The following MKRN3 variants were observed in gnomAD, a reference collection of about 807,000 sequenced individuals.
MKRN3 encodes makorin ring finger protein 3.
For missense variants in MKRN3, 749 were observed against 667.0 expected (o/e 1.12, Z -1.35); for synonymous variants, 301 against 250.2 (o/e 1.20, Z -1.91).
chr15:23,568,017 G>A lies in MKRN3; in HGVS notation c.*711G>A. The A allele has an allele frequency of 6.0e-6, 4 of 670,400 alleles. No individual in the cohort carries two copies. The highest frequency in any genetic ancestry group is 7.4e-6 in the Non-Finnish European group (4 of 541,810). The allele number at this position is 670,400 out of a possible 1,614,324, so 41.5% of individuals were successfully genotyped here. A position where few individuals can be genotyped will look rare whatever the true frequency, so the allele number is the denominator to read the frequency against. ...TATGTAATAAAGTAAATACAGAGCT[G>A]AAAGCTGAAGGTCAAAGCCTAACAG... On this transcript the variant is annotated 3_prime_UTR_variant, in exon 1 of 1. Transcript: ENST00000314520.
rs1265281980 is a variant in MKRN3 at position 23,565,772 on chromosome 15, C to G, written c.-11C>G. 2 of 1,574,708 alleles carry G rather than the reference C, an allele frequency of 1.3e-6. No homozygotes were observed. Among genetic ancestry groups the G allele is most frequent in the Admixed American group, 3.6e-5 (2 of 55,934 alleles). On this transcript the variant is annotated 5_prime_UTR_variant, in exon 1 of 1. Transcript: ENST00000314520. ...GAGGTTCTGGCACCATTTCGGGGTG[C>G]CAAAGCAGCCATGGAAGAGCCTGCA...
rs1595298212 is a variant in MKRN3 at position 23,565,870 on chromosome 15, C to T, written c.88C>T (p.Pro30Ser). Reference sequence around the variant, plus strand: ...GGCAGCAAGGGAGGGTGTGTCTGGGCCGGACCTTCCCGTCTGTGAGCCCTC... The same window carrying T: ...GGCAGCAAGGGAGGGTGTGTCTGGGTCGGACCTTCCCGTCTGTGAGCCCTC... ...AEAAREGVSG[P>S]DLPVCEPSGE... Residue 30 changes from proline (P) to serine (S), a missense_variant, in exon 1 of 1, where the codon CCG becomes TCG. Coordinates refer to ENST00000314520, the MANE Select transcript of MKRN3 (RefSeq NM_005664.4). 6 of 1,613,816 alleles carry T rather than the reference C, an allele frequency of 3.7e-6. No individual in the cohort carries two copies. Among genetic ancestry groups the T allele is most frequent in the South Asian group, 1.1e-5 (1 of 91,072 alleles).
At position 23,566,586 on chromosome 15, in the gene MKRN3, G is replaced by A; in HGVS notation, c.804G>A (p.Met268Ile). 1 of 1,614,228 alleles carries A rather than the reference G, an allele frequency of 6.2e-7. No homozygotes were observed. Among genetic ancestry groups the A allele is most frequent in the Non-Finnish European group, 8.5e-7 (1 of 1,180,040 alleles). ...CMYLHGDICD[M>I]CGLQTLHPMD... Reference sequence around the variant, plus strand: ...ACCTCCATGGAGACATATGCGACATGTGTGGGCTGCAGACCTTGCACCCCA... The same window carrying A: ...ACCTCCATGGAGACATATGCGACATATGTGGGCTGCAGACCTTGCACCCCA... The change falls in exon 1 of 1, where the codon ATG becomes ATA. Residue 268 changes from methionine (M) to isoleucine (I), a missense_variant. Transcript: ENST00000314520.
At position 23,565,988 on chromosome 15, in the gene MKRN3, G is replaced by T; in HGVS notation, c.206G>T (p.Arg69Ile). 6.2e-7 allele frequency: 1 copy of T among 1,613,740 alleles called. No individual in the cohort carries two copies. The highest frequency in any genetic ancestry group is 8.5e-7 in the Non-Finnish European group (1 of 1,179,890). Residue 69 changes from arginine to isoleucine, a missense_variant, in exon 1 of 1, where the codon AGA becomes ATA. Coordinates refer to ENST00000314520, the MANE Select transcript of MKRN3 (RefSeq NM_005664.4). ...PVAPVPAHLR[R>I]GGLRPAPASG... is the part of the protein sequence containing the mutation. The stretch of plus-strand genomic sequence containing the variant: ...GCTCCAGTCCCTGCCCACCTCCGCA[G>T]AGGAGGCCTGAGGCCTGCCCCAGCC...
Position 23,566,232 on chromosome 15 carries a change from GC to G in MKRN3, c.455del (p.Pro152ArgfsTer19). 6.2e-7 allele frequency: 1 copy of G among 1,613,612 alleles called. No individual in the cohort carries two copies. The highest frequency in any genetic ancestry group is 8.5e-7 in the Non-Finnish European group (1 of 1,180,044). On this transcript the variant is annotated frameshift_variant, in exon 1 of 1. Coordinates refer to ENST00000314520, the MANE Select transcript of MKRN3 (RefSeq NM_005664.4). LOFTEE classifies it low-confidence loss of function (END_TRUNC). ...GCCCTAGCACGGCTGCGCACATCGA[GC>G]CCCCGACTCAGGAAGTGGCGGAAGC... ...GGPSTAAHIE[P>X]PTQEVAEAPP...
In MKRN3 at chr15:23,566,542, C is replaced by A. The variant is rs757586782; in HGVS notation, c.760C>A (p.Arg254Ser). 1.2e-6 allele frequency: 2 copies of A among 1,613,960 alleles called. No individual in the cohort carries two copies. Among genetic ancestry groups the A allele is most frequent in the Non-Finnish European group, 1.7e-6 (2 of 1,180,030 alleles). Residue 254 changes from arginine (R) to serine (S), a missense_variant, in exon 1 of 1, where the codon CGT becomes AGT. Physicochemically the swap from Arg to Ser is moderately radical, Grantham distance 110. Transcript: ENST00000314520. Reference protein sequence around the residue: ...CYYASRGVCFRGESCMYLHGD... With the variant: ...CYYASRGVCFSGESCMYLHGD... ...TTATGCTTCCAGGGGAGTTTGCTTT[C>A]GTGGGGAGAGCTGTATGTACCTCCA...
chr15:23,565,899 G>A lies in MKRN3; in HGVS notation c.117G>A (p.Gly39=), dbSNP rs756434121. ...GPDLPVCEPS[G]ESAAPDSALP... is the part of the protein sequence containing the mutation. Reference sequence around the variant, plus strand: ...ACCTTCCCGTCTGTGAGCCCTCCGGGGAATCTGCTGCTCCAGATTCAGCCC... The same window carrying A: ...ACCTTCCCGTCTGTGAGCCCTCCGGAGAATCTGCTGCTCCAGATTCAGCCC... Residue 39 remains glycine, a synonymous_variant, in exon 1 of 1, where the codon GGG becomes GGA. Transcript: ENST00000314520. 6.2e-7 allele frequency: 1 copy of A among 1,613,860 alleles called. No individual in the cohort carries two copies. Among genetic ancestry groups the A allele is most frequent in the Non-Finnish European group, 8.5e-7 (1 of 1,179,946 alleles).
At position 23,567,171 on chromosome 15, in the gene MKRN3, G is replaced by A; in HGVS notation, c.1389G>A (p.Lys463=). ...EGNMLYKSIK[K]ELVVLRLASL... is the part of the protein sequence containing the mutation. ...ACATGCTCTATAAAAGCATTAAGAA[G>A]GAGCTTGTCGTGCTTCGGCTGGCCA... The change falls in exon 1 of 1, where the codon AAG becomes AAA. Residue 463 remains lysine, a synonymous_variant. Coordinates refer to ENST00000314520, the MANE Select transcript of MKRN3 (RefSeq NM_005664.4). The A allele has an allele frequency of 6.2e-7, 1 of 1,614,234 alleles. No homozygotes were observed. Among genetic ancestry groups the A allele is most frequent in the East Asian group, 2.2e-5 (1 of 44,880 alleles).
chr15:23,565,977 C>T lies in MKRN3; in HGVS notation c.195C>T (p.Ala65=). ...WAPFPVAPVP[A]HLRRGGLRPA... ...CCTTCCCTGTAGCTCCAGTCCCTGC[C>T]CACCTCCGCAGAGGAGGCCTGAGGC... The change falls in exon 1 of 1, where the codon GCC becomes GCT. Residue 65 remains alanine, a synonymous_variant. Coordinates refer to ENST00000314520, the MANE Select transcript of MKRN3 (RefSeq NM_005664.4). 3 of 1,613,802 alleles carry T rather than the reference C, an allele frequency of 1.9e-6. No individual in the cohort carries two copies. Among genetic ancestry groups the T allele is most frequent in the Middle Eastern group, 3.3e-4 (2 of 6,030 alleles).
Position 23,565,702 on chromosome 15 carries a change from CG to C in MKRN3, c.-79del, listed in dbSNP as rs1889067151. ...CTTCCCCCAGAGAAGCCTCCGAGCGCGGCCGCCATTCCGGGCCTCAAGCCCA... is the reference window on the plus strand; with the variant it reads ...CTTCCCCCAGAGAAGCCTCCGAGCGCGCCGCCATTCCGGGCCTCAAGCCCA... On this transcript the variant is annotated 5_prime_UTR_variant, in exon 1 of 1. Coordinates refer to ENST00000314520, the MANE Select transcript of MKRN3 (RefSeq NM_005664.4). The C allele has an allele frequency of 1.4e-6, 2 of 1,381,720 alleles. No homozygotes were observed. Among genetic ancestry groups the C allele is most frequent in the South Asian group, 1.5e-5 (1 of 66,610 alleles). 85.6% of individuals were successfully genotyped at this position (1,381,720 alleles called of 1,614,324 possible).
chr15:23,566,860 T>C lies in MKRN3; in HGVS notation c.1078T>C (p.Ser360Pro), dbSNP rs1490504236. The C allele has an allele frequency of 6.2e-7, 1 of 1,614,210 alleles. No homozygotes were observed. The highest frequency in any genetic ancestry group is 1.7e-5 in the Admixed American group (1 of 60,024). Reference sequence around the variant, plus strand: ...ACAGTTTGAGAACAGGATCGTCAAGTCTTGCCCACAGTGCAGGGTCACCTC... The same window carrying C: ...ACAGTTTGAGAACAGGATCGTCAAGCCTTGCCCACAGTGCAGGGTCACCTC... ...ARQFENRIVK[S>P]CPQCRVTSEL... The change falls in exon 1 of 1, where the codon TCT (serine) becomes CCT (proline). Residue 360 changes from serine (S) to proline (P), a missense_variant. Transcript: ENST00000314520.
At position 23,567,013 on chromosome 15, in the gene MKRN3, C is replaced by A. The variant is rs758381200; in HGVS notation, c.1231C>A (p.Pro411Thr). The A allele has an allele frequency of 1.2e-6, 2 of 1,614,000 alleles. No homozygotes were observed. Among genetic ancestry groups the A allele is most frequent in the African/African-American group, 2.7e-5 (2 of 74,900 alleles). The part of the protein sequence containing the change: ...RYFAEGRGNC[P>T]FGDTCFYKHE... Reference sequence around the variant, plus strand: ...TTTTGCGGAAGGCAGGGGTAACTGCCCATTTGGAGACACATGCTTTTACAA... The same window carrying A: ...TTTTGCGGAAGGCAGGGGTAACTGCACATTTGGAGACACATGCTTTTACAA... The change falls in exon 1 of 1, where the codon CCA (proline) becomes ACA (threonine). Residue 411 changes from proline to threonine, a missense_variant. By Grantham distance (38) the Pro-to-Thr change is conservative. Coordinates refer to ENST00000314520, the MANE Select transcript of MKRN3 (RefSeq NM_005664.4).
chr15:23,566,631 A>G lies in MKRN3; in HGVS notation c.849A>G (p.Glu283=), dbSNP rs1345521249. The change falls in exon 1 of 1, where the codon GAA becomes GAG. Residue 283 remains glutamate, a synonymous_variant. Coordinates refer to ENST00000314520, the MANE Select transcript of MKRN3 (RefSeq NM_005664.4). ...TLHPMDAAQR[E]EHMRACIEAH... is the part of the protein sequence containing the mutation. Reference sequence around the variant, plus strand: ...ACCCCATGGATGCTGCCCAGAGGGAAGAACATATGAGGGCCTGCATTGAAG... The same window carrying G: ...ACCCCATGGATGCTGCCCAGAGGGAGGAACATATGAGGGCCTGCATTGAAG... 1 of 1,614,220 alleles carries G rather than the reference A, an allele frequency of 6.2e-7. No homozygotes were observed.
chr15:23,566,113 G>C lies in MKRN3; in HGVS notation c.331G>C (p.Glu111Gln). The C allele has an allele frequency of 6.2e-7, 1 of 1,614,216 alleles. No individual in the cohort carries two copies. Among genetic ancestry groups the C allele is most frequent in the Non-Finnish European group, 8.5e-7 (1 of 1,180,052 alleles). ...GTATTATATACATGGGCAGTGCAAGGAGGGGGAGAACTGTCGCTATTCGCA... is the reference window on the plus strand; with the variant it reads ...GTATTATATACATGGGCAGTGCAAGCAGGGGGAGAACTGTCGCTATTCGCA... Reference protein sequence around the residue: ...CRYYIHGQCKEGENCRYSHDL... With the variant: ...CRYYIHGQCKQGENCRYSHDL... The change falls in exon 1 of 1, where the codon GAG becomes CAG. Residue 111 changes from glutamate to glutamine, a missense_variant. Transcript: ENST00000314520.
Position 23,567,430 on chromosome 15 carries a change from T to G in MKRN3, c.*124T>G, listed in dbSNP as rs1889128795. On this transcript the variant is annotated 3_prime_UTR_variant, in exon 1 of 1. Transcript: ENST00000314520. ...GAGGCAGTGCTTCTGTTTTCTTGTC[T>G]ATTCTGCATATCTTTCCCCCTAGGA... 1 of 1,496,520 alleles carries G rather than the reference T, an allele frequency of 6.7e-7. No individual in the cohort carries two copies. The highest frequency in any genetic ancestry group is 2.3e-5 in the East Asian group (1 of 43,214). 92.7% of individuals were successfully genotyped at this position (1,496,520 alleles called of 1,614,324 possible).
Position 23,566,541 on chromosome 15 carries a change from T to A in MKRN3, c.759T>A (p.Phe253Leu). 6.2e-7 allele frequency: 1 copy of A among 1,614,148 alleles called. No individual in the cohort carries two copies. Among genetic ancestry groups the A allele is most frequent in the Non-Finnish European group, 8.5e-7 (1 of 1,180,032 alleles). The stretch of plus-strand genomic sequence containing the variant: ...ATTATGCTTCCAGGGGAGTTTGCTT[T>A]CGTGGGGAGAGCTGTATGTACCTCC... ...FCYYASRGVC[F>L]RGESCMYLHG... Residue 253 changes from phenylalanine to leucine, a missense_variant, in exon 1 of 1, where the codon TTT becomes TTA. By Grantham distance (22) the Phe-to-Leu change is conservative. Transcript: ENST00000314520.
Position 23,565,968 on chromosome 15 carries a change from A to C in MKRN3, c.186A>C (p.Pro62=), listed in dbSNP as rs749321947. ...GCTGGGCCCCCTTCCCTGTAGCTCC[A>C]GTCCCTGCCCACCTCCGCAGAGGAG... ...ARGWAPFPVA[P]VPAHLRRGGL... The change falls in exon 1 of 1, where the codon CCA becomes CCC. Residue 62 remains proline (P), a synonymous_variant. Transcript: ENST00000314520. 1.2e-6 allele frequency: 2 copies of C among 1,613,830 alleles called. No homozygotes were observed. The highest frequency in any genetic ancestry group is 3.3e-5 in the Admixed American group (2 of 60,032).
In MKRN3 at chr15:23,567,054, G is replaced by C; in HGVS notation, c.1272G>C (p.Glu424Asp). ...GCTTTTACAAGCATGAATACCCTGA[G>C]GGCTGGGGAGATGAGCCTCCTGGGC... is the stretch of plus-strand genomic sequence containing the variant. ...DTCFYKHEYP[E>D]GWGDEPPGPG... is the part of the protein sequence containing the mutation. Residue 424 changes from glutamate to aspartate, a missense_variant, in exon 1 of 1, where the codon GAG becomes GAC. Glu to Asp is a conservative substitution (Grantham distance 45, BLOSUM62 2). Transcript: ENST00000314520. The C allele has an allele frequency of 6.2e-7, 1 of 1,614,238 alleles. No individual in the cohort carries two copies. Among genetic ancestry groups the C allele is most frequent in the Non-Finnish European group, 8.5e-7 (1 of 1,180,038 alleles).
chr15:23,565,927 C>T lies in MKRN3; in HGVS notation c.145C>T (p.Pro49Ser), dbSNP rs1240038240. 6.2e-7 allele frequency: 1 copy of T among 1,613,964 alleles called. No individual in the cohort carries two copies. Among genetic ancestry groups the T allele is most frequent in the South Asian group, 1.1e-5 (1 of 91,082 alleles). ...ATCTGCTGCTCCAGATTCAGCCCTG[C>T]CACATGCGGCAAGGGGCTGGGCCCC... ...GESAAPDSAL[P>S]HAARGWAPFP... Residue 49 changes from proline to serine, a missense_variant, in exon 1 of 1, where the codon CCA (proline) becomes TCA (serine). Transcript: ENST00000314520.
Sources: gnomAD v4.1 joint callset for allele counts on GRCh38, gnomAD v4.1.1 for gene constraint, MANE v1.5 for transcripts, NCBI Gene and HGNC (gene_info 2026-07-23, HGNC 2026-07-21) for gene names.